The following DECR2 variants were observed in gnomAD, a reference collection of about 807,000 sequenced individuals.
The protein encoded by DECR2 is 2,4-dienoyl-CoA reductase 2.
Under a neutral mutation model 29.2 loss-of-function variants are expected in DECR2, and 34 were observed. The observed-to-expected ratio is 1.16, with a 90% CI of 0.89 to 1.55. DECR2 has a LOEUF of 1.55. DECR2 is among the 40% of genes most tolerant of loss of function. The pLI is 0.00. For missense variants in DECR2, 485 were observed against 425.3 expected (o/e 1.14, Z -1.23); for synonymous variants, 224 against 182.7 (o/e 1.23, Z -1.82).
In DECR2 at chr16:401,948, C is replaced by G. The variant is rs749666907; in HGVS notation, c.-16C>G. 51 of 1,481,434 alleles carry G rather than the reference C, an allele frequency of 3.4e-5. No homozygotes were observed. Among genetic ancestry groups the G allele is most frequent in the Non-Finnish European group, 4.1e-5 (46 of 1,123,220 alleles). 91.8% of individuals were successfully genotyped at this position (1,481,434 alleles called of 1,614,324 possible). On this transcript the variant is annotated 5_prime_UTR_variant, in exon 1 of 9. Coordinates refer to ENST00000219481, the MANE Select transcript of DECR2 (RefSeq NM_020664.4). ...CGCTCCCGCCCGTTGTCCCCGCAGT[C>G]CCCGACGGGAGCGCCATGGCCCAGC... is the stretch of plus-strand genomic sequence containing the variant.
At chr16:408,059 CT>C (rs1490290315) in intron 4 of DECR2, among the ~76,000 whole-genome samples, 1 of 17,094 alleles carries the variant, frequency 5.9e-5, no homozygotes, top group Non-Finnish European at 1.7e-4. Context: ...CTCCGGCCCT[CT>C]GTCTCCGGGC....
At chr16:408,786 G>T (rs2054774656) in intron 4 of DECR2, among the ~76,000 whole-genome samples, 1 of 151,726 alleles carries the variant, frequency 6.6e-6, no homozygotes. Flanking sequence ...CAAAATGCTG[G>T]GATTACAAGC....
chr16:410,586 C>G lies in DECR2; in HGVS notation c.463-105C>G. The G allele has an allele frequency of 7.1e-7, 1 of 1,405,068 alleles. No homozygotes were observed. The highest frequency in any genetic ancestry group is 2.0e-5 in the Admixed American group (1 of 51,162). 87.0% of individuals were successfully genotyped at this position (1,405,068 alleles called of 1,614,324 possible). A position where few individuals can be genotyped will look rare whatever the true frequency, so the allele number is the denominator to read the frequency against. ...CTGCCCTGGGCCTCCCCCTGACGGC[C>G]GCCCGCTCCCTGCCCCGGGCCTCCC... On this transcript the variant is annotated intron_variant, in intron 5 of 8. Transcript: ENST00000219481. The surrounding 1 kb of genome is among the most constrained non-coding windows in gnomAD (Gnocchi z 4.1).
chr16:407,353 T>C, intron 3 of DECR2, 72 bp from the exon 4 acceptor site: 2 of 1,525,738 alleles, frequency 1.3e-6, no homozygotes, highest in Non-Finnish European at 1.7e-6. Flanking sequence ...CATCGTCCTC[T>C]GCAGATTCCA....
At chr16:402,964 G>A (rs1392695768) in intron 1 of DECR2, 1 of 928,660 alleles carries the variant, frequency 1.1e-6, no homozygotes, top group Non-Finnish European at 1.3e-6. Context: ...GGCAACAAGA[G>A]TGAAACTCCA....
In DECR2 at chr16:401,920, GGCC is replaced by G; in HGVS notation, c.-41_-39del. ...CTGCGCGCCGGGTCCTGGAGGCCGA[GGCC>G]GCTCCCGCCCGTTGTCCCCGCAGTC... On this transcript the variant is annotated 5_prime_UTR_variant, in exon 1 of 9. Transcript: ENST00000219481. 6.8e-7 allele frequency: 1 copy of G among 1,466,032 alleles called. No homozygotes were observed. The highest frequency in any genetic ancestry group is 9.0e-7 in the Non-Finnish European group (1 of 1,113,992). 90.8% of individuals were successfully genotyped at this position (1,466,032 alleles called of 1,614,324 possible).
intron 1 of DECR2, among the ~76,000 whole-genome samples, chr16:403,956 A>G (rs2054695976): frequency 6.6e-6 from 1 of 151,922 alleles, no homozygotes; most frequent in Non-Finnish European, 1.5e-5. Context: ...GGTGGATCAC[A>G]AGGTCAGGAG....
chr16:407,165 A>G, intron 3 of DECR2: 1 of 1,302,814 alleles, frequency 7.7e-7, no homozygotes, highest in Non-Finnish European at 9.8e-7. Flanking sequence ...CAGGGGCAGG[A>G]CATGGGTGAC....
At position 410,719 on chromosome 16, in the gene DECR2, C is replaced by G; in HGVS notation, c.491C>G (p.Thr164Ser). The G allele has an allele frequency of 6.2e-7, 1 of 1,608,086 alleles. No individual in the cohort carries two copies. Among genetic ancestry groups the G allele is most frequent in the Non-Finnish European group, 8.5e-7 (1 of 1,178,936 alleles). The change falls in exon 6 of 9, where the codon ACT becomes AGT. Residue 164 changes from threonine (T) to serine (S), a missense_variant. Physicochemically the swap from Thr to Ser is moderately conservative, Grantham distance 58 (BLOSUM62 1). Coordinates refer to ENST00000219481, the MANE Select transcript of DECR2 (RefSeq NM_020664.4). This position sits in a 1 kb window ranked among gnomAD's most constrained non-coding sequence, Gnocchi z 4.1. ...RDHGGVIVNI[T>S]ATLGNRGQAL... Reference sequence around the variant, plus strand: ...CACGGAGGGGTGATCGTGAACATCACTGCCACCCTGGGGAACCGGGGGCAG... The same window carrying G: ...CACGGAGGGGTGATCGTGAACATCAGTGCCACCCTGGGGAACCGGGGGCAG...
At chr16:405,048 C>T (rs1490870669) in intron 2 of DECR2, 24 bp downstream of exon 2, 1 of 1,608,332 alleles carries the variant, frequency 6.2e-7, no homozygotes, top group Non-Finnish European at 8.5e-7. Context: ...GTGTCCCTTC[C>T]CTGCTCCTCG....
At chr16:407,186 A>G in intron 3 of DECR2, 2 of 1,338,880 alleles carry the variant, frequency 1.5e-6, no homozygotes, top group Non-Finnish European at 9.6e-7. Flanking sequence ...AGTGGCCTGG[A>G]GGGCGACGCA....
chr16:408,319 C>G (rs34813805), intron 4 of DECR2, among the ~76,000 whole-genome samples: 1 of 148,046 alleles, frequency 6.8e-6, no homozygotes, highest in Non-Finnish European at 1.5e-5. Context: ...CTGTCTCTGG[C>G]CCTCTGTCTC....
intron 2 of DECR2, chr16:405,539 G>A (rs1306457656): frequency 1.5e-6 from 2 of 1,304,778 alleles, no homozygotes; most frequent in Non-Finnish European, 2.0e-6. Flanking sequence ...ATGGGACATT[G>A]CAGCTCCAGT....
chr16:402,019 A>G lies in DECR2; in HGVS notation c.56A>G (p.His19Arg). The G allele has an allele frequency of 2.7e-6, 4 of 1,487,164 alleles. No individual in the cohort carries two copies. Among genetic ancestry groups the G allele is most frequent in the Non-Finnish European group, 2.7e-6 (3 of 1,125,822 alleles). 92.1% of individuals were successfully genotyped at this position (1,487,164 alleles called of 1,614,324 possible). ...EGDDCLPAYR[H>R]LFCPDLLRDK... ...GACGACTGTCTCCCCGCGTACCGCC[A>G]CCTCTTCTGCCCGGACCTGCTGCGG... Residue 19 changes from histidine (H) to arginine (R), a missense_variant, in exon 1 of 9, where the codon CAC becomes CGC. Physicochemically the swap from His to Arg is conservative, Grantham distance 29. Transcript: ENST00000219481.
At position 407,621 on chromosome 16, in the gene DECR2, C is replaced by T. The variant is rs144936601; in HGVS notation, c.337+61C>T. 237 of 1,597,456 alleles carry T rather than the reference C, an allele frequency of 1.5e-4. No homozygotes were observed. The African/African-American group carries it at 2.6e-3, about 18-fold the overall frequency. ...CAGGTTGGTGGTACCATTTGGAGGC[C>T]CTAGAACTCTGGTCATGGGGTGGGG... On this transcript the variant is annotated intron_variant, in intron 4 of 8. Transcript: ENST00000219481.
In DECR2 at chr16:410,188, A is replaced by G. The variant is rs1157492055; in HGVS notation, c.338-55A>G. 1.9e-6 allele frequency: 3 copies of G among 1,585,068 alleles called. No homozygotes were observed. The highest frequency in any genetic ancestry group is 1.8e-5 in the Admixed American group (1 of 56,978). ...CGCTCTGCCCACCTGGCCACCACCC[A>G]CTTGGCATCCCTCTCCCCAGGCTCC... On this transcript the variant is annotated intron_variant, in intron 4 of 8. Coordinates refer to ENST00000219481, the MANE Select transcript of DECR2 (RefSeq NM_020664.4). The surrounding 1 kb of genome is among the most constrained non-coding windows in gnomAD (Gnocchi z 4.1).
At chr16:402,942 A>G (rs2141802531) in intron 1 of DECR2, 2 of 742,108 alleles carry the variant, frequency 2.7e-6, no homozygotes, top group Non-Finnish European at 3.3e-6. Flanking sequence ...CCGAGATCGC[A>G]CCATTGCACT....
chr16:405,430 C>T, intron 2 of DECR2: 1 of 914,668 alleles, frequency 1.1e-6, no homozygotes. Context: ...TCCTCAGTTC[C>T]CCTGAGGCCC....
chr16:404,197 A>G (rs139140550), intron 1 of DECR2, among the ~76,000 whole-genome samples: 1 of 151,066 alleles, frequency 6.6e-6, no homozygotes, highest in Non-Finnish European at 1.5e-5. Context: ...ATAAATAAAT[A>G]AATTAAATAA....
Sources: allele counts gnomAD v4.1 joint callset (sites outside exome capture counted in the v4.1 genomes callset), GRCh38; gene constraint gnomAD v4.1.1; non-coding constraint Gnocchi (gnomAD v3.1); transcripts MANE v1.5; gene names NCBI Gene and HGNC (gene_info 2026-07-23, HGNC 2026-07-21).